NOL4: variants seen among roughly 807,000 people sequenced by gnomAD.
The protein encoded by NOL4 is cancer/testis antigen 125.
A neutral mutation model predicts 75.9 loss-of-function variants in NOL4; 17 were observed. The observed-to-expected ratio is 0.22, with a 90% confidence interval of 0.15 to 0.34. NOL4 has a LOEUF of 0.34. NOL4 is among the 10% of genes least tolerant of loss of function. The probability of loss-of-function intolerance (pLI) is 1.00; values close to 1 mark genes in which losing one functional copy is unlikely to be tolerated. For missense variants in NOL4, 614 were observed against 793.5 expected (o/e 0.77, Z 2.72); for synonymous variants, 292 against 289.9 (o/e 1.01, Z -0.07).
chr18:34,064,382 C>T (rs2077182407), intron 5 of NOL4, among the ~76,000 whole-genome samples: 1 of 151,948 alleles, frequency 6.6e-6, no homozygotes, highest in African/African-American at 2.4e-5. Flanking sequence ...TGTATGCAGC[C>T]TCAGAGCACA....
intron 10 of NOL4, among the ~76,000 whole-genome samples, chr18:33,858,401 C>CA (rs894572805): frequency 2.0e-5 from 3 of 151,464 alleles, no homozygotes; most frequent in African/African-American, 7.3e-5. Flanking sequence ...AAAAAAAAAT[C>CA]AACTATAAAA....
intron 9 of NOL4, among the ~76,000 whole-genome samples, chr18:33,889,245 T>C (rs1476985928): frequency 1.3e-5 from 2 of 152,132 alleles, no homozygotes; most frequent in Non-Finnish European, 2.9e-5. Flanking sequence ...TACACATCTC[T>C]ATGCAAATAA....
At chr18:34,025,170 C>T (rs746504608) in intron 5 of NOL4, among the ~76,000 whole-genome samples, 2 of 152,000 alleles carry the variant, frequency 1.3e-5, no homozygotes, top group Non-Finnish European at 2.9e-5. Flanking sequence ...TTTATCAAAA[C>T]TAATAAACAA....
chr18:33,889,989 C>T (rs1234826285), intron 9 of NOL4, among the ~76,000 whole-genome samples: 2 of 152,046 alleles, frequency 1.3e-5, no homozygotes, highest in African/African-American at 4.8e-5. Flanking sequence ...GACAAGGATG[C>T]CCTCTCTCAC....
chr18:34,168,973 C>T (rs982486059), intron 1 of NOL4, among the ~76,000 whole-genome samples: 16 of 151,556 alleles, frequency 1.1e-4, no homozygotes, highest in African/African-American at 3.9e-4. Flanking sequence ...AAAATTAATG[C>T]AAACCAAAAC....
chr18:33,958,323 G>T lies in NOL4; in HGVS notation c.1152C>A (p.Asp384Glu). ...CGTCATGGTCCTCGTGGTCATCTTC[G>T]TCCTCATCTCCCCTGTTTAGTGAGA... ...EDLSLNRGDE[D>E]EDDHEDHDDS... Residue 384 changes from aspartate (D) to glutamate (E), a missense_variant, in exon 7 of 11, where the codon GAC becomes GAA. This residue lies in a region of NOL4 where 196 missense variants were observed against 167.9 expected (regional missense o/e 1.17). Transcript: ENST00000261592. 6.2e-7 allele frequency: 1 copy of T among 1,613,686 alleles called. No individual in the cohort carries two copies. The highest frequency in any genetic ancestry group is 1.1e-5 in the South Asian group (1 of 91,056).
intron 9 of NOL4, among the ~76,000 whole-genome samples, chr18:33,887,861 A>G (rs2064854928): frequency 1.3e-5 from 2 of 152,148 alleles, no homozygotes; most frequent in African/African-American, 4.8e-5. Flanking sequence ...GCTATTGTGA[A>G]TAGTGCCGCA....
intron 2 of NOL4, among the ~76,000 whole-genome samples, chr18:34,111,924 T>C (rs966816507): frequency 2.6e-5 from 4 of 152,146 alleles, no homozygotes; most frequent in African/African-American, 7.2e-5. Flanking sequence ...GAAAACAATA[T>C]GGTGGTTCCC....
intron 9 of NOL4, among the ~76,000 whole-genome samples, chr18:33,934,346 C>T (rs761492034): frequency 9.2e-5 from 14 of 152,200 alleles, no homozygotes; most frequent in Non-Finnish European, 1.8e-4. Flanking sequence ...AACTTAAAGT[C>T]ATCAGCTGCA....
chr18:34,157,668 A>G (rs1424871604), intron 1 of NOL4, among the ~76,000 whole-genome samples: 2 of 152,152 alleles, frequency 1.3e-5, no homozygotes, highest in Non-Finnish European at 2.9e-5. Flanking sequence ...GAAAAGAGAA[A>G]AGTAAAAAGA....
At chr18:33,971,077 T>C (rs529083612) in intron 6 of NOL4, among the ~76,000 whole-genome samples, 33 of 152,340 alleles carry the variant, frequency 2.2e-4, no homozygotes, top group African/African-American at 7.7e-4. Context: ...TTTTGTATTT[T>C]ACATGTATAA....
rs1474305811 is a variant in NOL4, at chr18:33,957,388, T to G, written c.1366A>C (p.Arg456=). 1 of 1,613,852 alleles carries G rather than the reference T, an allele frequency of 6.2e-7. No individual in the cohort carries two copies. The highest frequency in any genetic ancestry group is 8.5e-7 in the Non-Finnish European group (1 of 1,179,826). ...TTGAGGTAAGTACGTATACGTTTTC[T>G]GGCACGCTCTTGATACTCAGGGAAT... is the stretch of plus-strand genomic sequence containing the variant. ...RQFPEYQERA[R]KRIRTYLKSC... is the part of the protein sequence containing the mutation. Residue 456 remains arginine (R), a synonymous_variant, in exon 8 of 11, where the codon AGA becomes CGA. Coordinates refer to ENST00000261592, the MANE Select transcript of NOL4 (RefSeq NM_003787.5).
intron 5 of NOL4, among the ~76,000 whole-genome samples, chr18:34,048,036 A>G (rs781737347): frequency 2.6e-5 from 4 of 152,186 alleles, no homozygotes; most frequent in Non-Finnish European, 5.9e-5. Context: ...GACATTTACA[A>G]ACCTAAAATG....
chr18:33,857,300 T>A (rs2062881298), intron 10 of NOL4, among the ~76,000 whole-genome samples: 1 of 152,004 alleles, frequency 6.6e-6, no homozygotes, highest in African/African-American at 2.4e-5. Flanking sequence ...TCCACGCAAA[T>A]CTGCTTGGGA....
chr18:33,942,147 G>A (rs955940493), intron 9 of NOL4, among the ~76,000 whole-genome samples: 14 of 151,692 alleles, frequency 9.2e-5, no homozygotes, highest in East Asian at 3.9e-4. Context: ...TTTTTTCCTC[G>A]AAGTCCATTG....
At chr18:34,218,144 A>G (rs1184477875) in intron 1 of NOL4, among the ~76,000 whole-genome samples, 1 of 151,804 alleles carries the variant, frequency 6.6e-6, no homozygotes, top group Non-Finnish European at 1.5e-5. Context: ...CTTAGCAAAC[A>G]CAACAGCTAT....
chr18:33,867,019 T>A (rs909708314), intron 10 of NOL4, among the ~76,000 whole-genome samples: 4 of 152,208 alleles, frequency 2.6e-5, no homozygotes, highest in Admixed American at 6.6e-5. Flanking sequence ...GAAAAGAGAA[T>A]CTTATGATTT....
At chr18:34,032,267 G>A (rs761370613) in intron 5 of NOL4, among the ~76,000 whole-genome samples, 8 of 152,164 alleles carry the variant, frequency 5.3e-5, no homozygotes, top group Non-Finnish European at 8.8e-5. Context: ...TCCAGTAGCA[G>A]GGCTGCAGCA....
intron 6 of NOL4, among the ~76,000 whole-genome samples, chr18:33,962,463 G>A (rs1404327774): frequency 6.6e-6 from 1 of 152,182 alleles, no homozygotes; most frequent in East Asian, 1.9e-4. Flanking sequence ...TTTATGAAGG[G>A]AAAATTTAAA....
Sources: allele counts gnomAD v4.1 joint callset (sites outside exome capture counted in the v4.1 genomes callset), GRCh38; gene constraint gnomAD v4.1.1; regional missense constraint gnomAD v4.1.1; transcripts MANE v1.5; gene names NCBI Gene and HGNC (gene_info 2026-07-23, HGNC 2026-07-21).